UNC13C: variants seen among roughly 807,000 people sequenced by gnomAD.
The protein encoded by UNC13C is protein unc-13 homolog C.
UNC13C carries 174 observed loss-of-function variants against 245.4 expected under a neutral mutation model. The observed-to-expected ratio is 0.71, with a 90% CI of 0.63 to 0.80. UNC13C has a LOEUF of 0.80. Ranked by LOEUF, UNC13C falls within the 30% of genes least tolerant of loss-of-function variation. The pLI is 0.00. For synonymous variants in UNC13C, 992 were observed against 895.1 expected, an observed-to-expected ratio of 1.11 and a Z score of -1.93; for missense variants, 2,829 against 2,602.9, an observed-to-expected ratio of 1.09 and a Z score of -1.89.
At chr15:54,195,118 CA>C (rs2034309957) in intron 4 of UNC13C, among the ~76,000 whole-genome samples, 1 of 100,088 alleles carries the variant, frequency 1.0e-5, no homozygotes, top group Non-Finnish European at 2.4e-5. Flanking sequence ...ACTGCACATA[CA>C]AAAATGGAAT....
chr15:54,339,546 CT>C, intron 17 of UNC13C, among the ~76,000 whole-genome samples: 1 of 152,058 alleles, frequency 6.6e-6, no homozygotes, highest in Non-Finnish European at 1.5e-5. Flanking sequence ...AATTACTTCA[CT>C]TAGAATAATA....
intron 13 of UNC13C, among the ~76,000 whole-genome samples, chr15:54,316,065 T>A (rs1195400455): frequency 6.6e-6 from 1 of 151,914 alleles, no homozygotes; most frequent in Non-Finnish European, 1.5e-5. Flanking sequence ...CAGATCTGAT[T>A]ATTTCACTTC....
At chr15:54,226,196 T>C (rs1426357518) in intron 4 of UNC13C, among the ~76,000 whole-genome samples, 2 of 152,188 alleles carry the variant, frequency 1.3e-5, no homozygotes, top group East Asian at 3.8e-4. Context: ...TGCTGCTGGA[T>C]TCAGTGCCAG....
At chr15:54,073,884 T>G (rs1302319567) in intron 2 of UNC13C, among the ~76,000 whole-genome samples, 4 of 152,062 alleles carry the variant, frequency 2.6e-5, no homozygotes, top group Admixed American at 6.6e-5. Context: ...TTCATTTAAT[T>G]AGATCCCATT....
intron 18 of UNC13C, among the ~76,000 whole-genome samples, chr15:54,414,228 A>G (rs1322787359): frequency 6.6e-6 from 1 of 152,190 alleles, no homozygotes; most frequent in African/African-American, 2.4e-5. Flanking sequence ...TAATAGAAAA[A>G]ATAGAAGTAC....
intron 26 of UNC13C, 134 bp downstream of exon 26, chr15:54,533,200 T>C (rs1895839956): frequency 3.2e-6 from 2 of 622,598 alleles, no homozygotes; most frequent in African/African-American, 3.9e-5. Context: ...AATTCAAAGA[T>C]AAATAAATAA....
chr15:54,510,831 T>C (rs1170831712), intron 23 of UNC13C, among the ~76,000 whole-genome samples: 1 of 152,166 alleles, frequency 6.6e-6, no homozygotes, highest in African/African-American at 2.4e-5. Flanking sequence ...TTCTCTGATA[T>C]ACTGGCTCTT....
chr15:53,850,319 G>C, the UNC13C span, among the ~76,000 whole-genome samples: 21 of 152,246 alleles, frequency 1.4e-4, no homozygotes, highest in Admixed American at 5.2e-4. Context: ...GGAGACTGAG[G>C]CAGGAGGATC....
At chr15:53,882,920 A>G in the UNC13C span, among the ~76,000 whole-genome samples, 1 of 152,160 alleles carries the variant, frequency 6.6e-6, no homozygotes, top group Non-Finnish European at 1.5e-5. Flanking sequence ...GAGGAGGGAG[A>G]GAAGCAGGAA....
intron 2 of UNC13C, among the ~76,000 whole-genome samples, chr15:54,093,224 A>G (rs543891120): frequency 4.5e-4 from 67 of 149,924 alleles, no homozygotes; most frequent in Admixed American, 1.3e-3. Flanking sequence ...AATCTTGTCT[A>G]TTTTGTTCCC....
At chr15:54,161,414 T>C (rs962545942) in intron 4 of UNC13C, among the ~76,000 whole-genome samples, 2 of 152,232 alleles carry the variant, frequency 1.3e-5, no homozygotes, top group African/African-American at 4.8e-5. Context: ...ACAAGTCCGC[T>C]ATTTGACAGT....
chr15:54,343,422 C>T (rs183959737), intron 17 of UNC13C, among the ~76,000 whole-genome samples: 56 of 152,252 alleles, frequency 3.7e-4, no homozygotes, highest in African/African-American at 1.1e-3. Flanking sequence ...CGTGAGCCAC[C>T]GCGCCTGGCC....
intron 24 of UNC13C, among the ~76,000 whole-genome samples, chr15:54,513,726 A>G (rs571975784): frequency 3.9e-4 from 60 of 152,334 alleles, no homozygotes; most frequent in African/African-American, 1.3e-3. Flanking sequence ...ATTTAAGAAG[A>G]AAGCGTAAAT....
At chr15:54,020,820 T>C (rs1895870878) in intron 2 of UNC13C, among the ~76,000 whole-genome samples, 1 of 152,166 alleles carries the variant, frequency 6.6e-6, no homozygotes, top group African/African-American at 2.4e-5. Flanking sequence ...TAAATTCCTA[T>C]CCTTCCACAT....
intron 10 of UNC13C, among the ~76,000 whole-genome samples, chr15:54,281,415 G>C (rs1479849287): frequency 6.6e-6 from 1 of 152,196 alleles, no homozygotes; most frequent in Non-Finnish European, 1.5e-5. Flanking sequence ...AGGACTGAGA[G>C]AGAGAACCAA....
chr15:54,167,473 G>C (rs1244245646), intron 4 of UNC13C, among the ~76,000 whole-genome samples: 1 of 139,066 alleles, frequency 7.2e-6, no homozygotes, highest in African/African-American at 2.6e-5. Context: ...CTGCACTCCA[G>C]CCTGGGTGAC....
intron 19 of UNC13C, among the ~76,000 whole-genome samples, chr15:54,432,146 C>T (rs542790096): frequency 3.8e-4 from 57 of 151,660 alleles, no homozygotes; most frequent in Non-Finnish European, 6.1e-4. Flanking sequence ...GTGTCAGGCA[C>T]TGTGCTAAGT....
At chr15:53,842,456 TGACTCAGAATTG>T in the UNC13C span, among the ~76,000 whole-genome samples, 2 of 152,290 alleles carry the variant, frequency 1.3e-5, no homozygotes, top group East Asian at 3.9e-4. Context: ...GCTGAGTTTG[TGACTCAGAATTG>T]GCTGATTAGA....
At chr15:54,441,796 CAA>C (rs1476479070) in intron 19 of UNC13C, among the ~76,000 whole-genome samples, 2 of 152,014 alleles carry the variant, frequency 1.3e-5, no homozygotes, top group Admixed American at 1.3e-4. Context: ...ATTGTTTTAA[CAA>C]TATTTCTTCT....
Sources: gnomAD v4.1 joint callset for allele counts (sites outside exome capture counted in the v4.1 genomes callset) on GRCh38, gnomAD v4.1.1 for gene constraint, MANE v1.5 for transcripts, NCBI Gene and HGNC (gene_info 2026-07-23, HGNC 2026-07-21) for gene names.